GPD1L: variants seen among roughly 807,000 people sequenced by gnomAD.
The protein encoded by GPD1L is glycerol-3-phosphate dehydrogenase 1 like.
A neutral mutation model predicts 32.9 loss-of-function variants in GPD1L; 17 were observed. The observed-to-expected ratio is 0.52, with a 90% CI of 0.35 to 0.78. GPD1L has a LOEUF of 0.78. Among genes scored for constraint, GPD1L ranks in the 30% least tolerant of loss-of-function variants. The pLI, the probability that GPD1L is intolerant of heterozygous loss-of-function variation, is 0.01. For synonymous variants in GPD1L, 187 were observed against 165.9 expected (o/e 1.13, Z -0.98); for missense variants, 361 against 447.8 (o/e 0.81, Z 1.75).
At chr3:32,133,810 C>T (rs1700620553) in intron 2 of GPD1L, among the ~76,000 whole-genome samples, 1 of 152,228 alleles carries the variant, frequency 6.6e-6, no homozygotes, top group African/African-American at 2.4e-5. Context: ...TCATTGAGCA[C>T]ACACTGTGGA....
chr3:32,106,847 T>C lies in GPD1L; in HGVS notation c.47+89T>C. 1 of 1,282,952 alleles carries C rather than the reference T, an allele frequency of 7.8e-7. No homozygotes were observed. Among genetic ancestry groups the C allele is most frequent in the Non-Finnish European group, 1.0e-6 (1 of 962,012 alleles). The allele number at this position is 1,282,952 out of a possible 1,614,324, so 79.5% of individuals were successfully genotyped here. A position where few individuals can be genotyped will look rare whatever the true frequency, so the allele number is the denominator to read the frequency against. On this transcript the variant is annotated intron_variant, in intron 1 of 7. Coordinates refer to ENST00000282541, the MANE Select transcript of GPD1L (RefSeq NM_015141.4). This position sits in a 1 kb window ranked among gnomAD's most constrained non-coding sequence, Gnocchi z 4.0. ...GGGCTGCGCGCCCCATGCTGCGGCG[T>C]GGGCACCGGGCACTGCGCGCAGGGA...
chr3:32,114,658 G>A (rs185855249), intron 1 of GPD1L, among the ~76,000 whole-genome samples: 19 of 152,190 alleles, frequency 1.2e-4, no homozygotes, highest in African/African-American at 4.1e-4. Context: ...GGTTCCTTCC[G>A]GTGGGTTCTT....
intron 5 of GPD1L, among the ~76,000 whole-genome samples, chr3:32,157,140 T>C (rs1291290379): frequency 1.3e-5 from 2 of 152,118 alleles, no homozygotes; most frequent in Non-Finnish European, 2.9e-5. Context: ...AATCTGACTT[T>C]TACTTATTAT....
At chr3:32,162,113 G>A (rs1447352503) in intron 7 of GPD1L, among the ~76,000 whole-genome samples, 1 of 152,204 alleles carries the variant, frequency 6.6e-6, no homozygotes, top group African/African-American at 2.4e-5. Flanking sequence ...CCTTGGGCAA[G>A]TCACGTATTT....
At chr3:32,122,306 TTGAA>T (rs1700434506) in intron 1 of GPD1L, among the ~76,000 whole-genome samples, 1 of 152,206 alleles carries the variant, frequency 6.6e-6, no homozygotes, top group African/African-American at 2.4e-5. Context: ...AGATCTGGGT[TTGAA>T]TTGCTAACCG....
At chr3:32,149,052 TTGTG>T (rs370594716) in intron 5 of GPD1L, among the ~76,000 whole-genome samples, 1 of 152,130 alleles carries the variant, frequency 6.6e-6, no homozygotes, top group African/African-American at 2.4e-5. Context: ...TAGTTTGATT[TTGTG>T]TGTGTGTGTT....
chr3:32,124,448 G>A (rs762045653), intron 1 of GPD1L, among the ~76,000 whole-genome samples: 3 of 152,160 alleles, frequency 2.0e-5, no homozygotes, highest in Non-Finnish European at 4.4e-5. Context: ...CACTTTCCTT[G>A]CTCTATTTCA....
At position 32,115,912 on chromosome 3, in the gene GPD1L, C is replaced by G. The variant is rs147352399; in HGVS notation, c.47+9154C>G. ...CAAGCAATTCTCCTGCCTCAGCCTC[C>G]GAGTAGCTGGGACTGCAGGCATGTG... On this transcript the variant is annotated intron_variant, in intron 1 of 7. Coordinates refer to ENST00000282541, the MANE Select transcript of GPD1L (RefSeq NM_015141.4). Among the ~76,000 whole-genome samples, 471 of 151,382 alleles carry G rather than the reference C, an allele frequency of 3.1e-3. 3 individuals carry two copies. The highest frequency in any genetic ancestry group is 0.01 in the African/African-American group (429 of 41,216).
intron 4 of GPD1L, among the ~76,000 whole-genome samples, chr3:32,143,712 G>A (rs565801060): frequency 1.1e-4 from 16 of 152,066 alleles, no homozygotes; most frequent in South Asian, 2.1e-4. Context: ...GTGTGGTGGC[G>A]CACACCTGTA....
At chr3:32,119,667 G>T (rs954128327) in intron 1 of GPD1L, among the ~76,000 whole-genome samples, 1 of 152,258 alleles carries the variant, frequency 6.6e-6, no homozygotes. Context: ...AAAGAATTAC[G>T]CAAAATGTTA....
At position 32,140,236 on chromosome 3, in the gene GPD1L, C is replaced by T. The variant is rs1553659820; in HGVS notation, c.375C>T (p.Asp125=). ...ALGITLIKGI[D]EGPEGLKLIS... ...TCTTGGCATCCTTGTAGGGCATAGA[C>T]GAGGGCCCCGAGGGGCTGAAGCTCA... Residue 125 remains aspartate (D), a synonymous_variant, in exon 4 of 8, where the codon GAC becomes GAT. Transcript: ENST00000282541. The T allele has an allele frequency of 5.6e-6, 9 of 1,614,008 alleles. No homozygotes were observed. The South Asian group carries it at 9.9e-5, about 18-fold the overall frequency.
intron 6 of GPD1L, among the ~76,000 whole-genome samples, chr3:32,159,317 C>T (rs942494824): frequency 3.9e-5 from 6 of 152,082 alleles, no homozygotes; most frequent in African/African-American, 1.4e-4. Context: ...TGAAGCTCTT[C>T]TCTCACTCTG....
intron 2 of GPD1L, among the ~76,000 whole-genome samples, chr3:32,135,504 G>A (rs1700649827): frequency 6.6e-6 from 1 of 152,170 alleles, no homozygotes; most frequent in African/African-American, 2.4e-5. Context: ...CCAGGCTGGA[G>A]TGCAGTGGCA....
chr3:32,160,892 G>A (rs1186219180), intron 7 of GPD1L, among the ~76,000 whole-genome samples: 3 of 142,430 alleles, frequency 2.1e-5, no homozygotes, highest in South Asian at 2.1e-4. Context: ...CTACACCACT[G>A]CATAAATGCT....
intron 1 of GPD1L, among the ~76,000 whole-genome samples, chr3:32,126,666 A>C (rs1700512411): frequency 6.6e-6 from 1 of 152,234 alleles, no homozygotes. Context: ...CTGGCATAGA[A>C]TAAGAATTTC....
At chr3:32,163,261 C>G (rs1327036046) in intron 7 of GPD1L, among the ~76,000 whole-genome samples, 2 of 151,096 alleles carry the variant, frequency 1.3e-5, no homozygotes, top group Non-Finnish European at 2.9e-5. Context: ...CTCCACCTCC[C>G]AGGTTCACAC....
rs953862331 is a variant in GPD1L at position 32,106,975 on chromosome 3, A to G, written c.47+217A>G. Among the ~76,000 whole-genome samples, 1 of 152,004 alleles carries G rather than the reference A, an allele frequency of 6.6e-6. No homozygotes were observed. The highest frequency in any genetic ancestry group is 2.4e-5 in the African/African-American group (1 of 41,402). On this transcript the variant is annotated intron_variant, in intron 1 of 7. Coordinates refer to ENST00000282541, the MANE Select transcript of GPD1L (RefSeq NM_015141.4). The surrounding 1 kb of genome is among the most constrained non-coding windows in gnomAD (Gnocchi z 4.0). The stretch of plus-strand genomic sequence containing the variant: ...CGCTGGGCTCGCGTGCGTGCGGGGG[A>G]CAGCGCGGAGAGAGGGCACCCCGAG...
intron 1 of GPD1L, among the ~76,000 whole-genome samples, chr3:32,119,403 A>G (rs1044381293): frequency 1.3e-5 from 2 of 152,230 alleles, no homozygotes; most frequent in East Asian, 1.9e-4. Flanking sequence ...GTAACATTCT[A>G]TCATAAGCAT....
intron 7 of GPD1L, among the ~76,000 whole-genome samples, chr3:32,162,305 A>G (rs1701083648): frequency 6.6e-6 from 1 of 152,304 alleles, no homozygotes; most frequent in East Asian, 1.9e-4. Flanking sequence ...TTCCTGCAGT[A>G]CATCCTCTTA....
Sources: allele counts gnomAD v4.1 joint callset (sites outside exome capture counted in the v4.1 genomes callset), GRCh38; gene constraint gnomAD v4.1.1; non-coding constraint Gnocchi (gnomAD v3.1); transcripts MANE v1.5; gene names NCBI Gene and HGNC (gene_info 2026-07-23, HGNC 2026-07-21).